The following INSR variants were observed in gnomAD, a reference collection of about 807,000 sequenced individuals.
The protein encoded by INSR is insulin receptor.
INSR carries 67 observed loss-of-function variants against 142.6 expected under a neutral mutation model. The observed-to-expected ratio is 0.47, with a 90% CI of 0.39 to 0.58. INSR has a LOEUF of 0.58. Ranked by LOEUF, INSR falls within the 20% of genes least tolerant of loss-of-function variation. INSR has a pLI of 0.00. For missense variants in INSR, 1,248 were observed against 1,833.2 expected (o/e 0.68, Z 5.83); for synonymous variants, 756 against 743.1 (o/e 1.02, Z -0.28).
chr19:7,229,607 AG>A (rs144165529), intron 2 of INSR, among the ~76,000 whole-genome samples: 2,545 of 152,248 alleles, frequency 0.017, 70 homozygotes, highest in African/African-American at 0.057. Flanking sequence ...AACCCCATAA[AG>A]GGCCTCTGGG....
chr19:7,175,833 CA>C (rs113649135), intron 3 of INSR, among the ~76,000 whole-genome samples: 262 of 141,158 alleles, frequency 1.9e-3, no homozygotes, highest in Middle Eastern at 3.5e-3. Context: ...GACTCCATCT[CA>C]AAAAAAAAAA....
chr19:7,222,907 G>A (rs1015171389), intron 2 of INSR, among the ~76,000 whole-genome samples: 4 of 152,300 alleles, frequency 2.6e-5, no homozygotes, highest in East Asian at 3.9e-4. Flanking sequence ...AACTGTCTGG[G>A]CACTGTGGCT....
chr19:7,119,352 G>A lies in INSR; in HGVS notation c.3794+97C>T, dbSNP rs987485090. 1.9e-5 allele frequency: 25 copies of A among 1,336,762 alleles called. 1 individual carries two copies. The Admixed American group carries it at 3.0e-4, about 16-fold the overall frequency. 82.8% of individuals were successfully genotyped at this position (1,336,762 alleles called of 1,614,324 possible). On this transcript the variant is annotated intron_variant, in intron 21 of 21. Coordinates refer to ENST00000302850, the MANE Select transcript of INSR (RefSeq NM_000208.4). This position sits in a 1 kb window ranked among gnomAD's most constrained non-coding sequence, Gnocchi z 5.2. ...AACATACAGCATGCAAACACGGTGA[G>A]CGTGTAGACATAGGAAAGGCAAAAC...
rs1450069176 is a variant in INSR at position 7,117,068 on chromosome 19, G to A, written c.4137C>T (p.Ser1379=). The A allele has an allele frequency of 1.2e-5, 19 of 1,612,460 alleles. No individual in the cohort carries two copies. The highest frequency in any genetic ancestry group is 1.6e-5 in the Non-Finnish European group (19 of 1,178,980). ...KNGRILTLPR[S]NPS is the part of the protein sequence containing the mutation. ...ACGGTAGGCACTGTTAGGAAGGATTGGACCGAGGCAAGGTCAGAATCCGCC... is the reference window on the plus strand; with the variant it reads ...ACGGTAGGCACTGTTAGGAAGGATTAGACCGAGGCAAGGTCAGAATCCGCC... Residue 1379 remains serine (S), a synonymous_variant, in exon 22 of 22, where the codon TCC becomes TCT. Coordinates refer to ENST00000302850, the MANE Select transcript of INSR (RefSeq NM_000208.4).
At chr19:7,160,781 T>C (rs1973727599) in intron 9 of INSR, among the ~76,000 whole-genome samples, 1 of 151,978 alleles carries the variant, frequency 6.6e-6, no homozygotes, top group African/African-American at 2.4e-5. Flanking sequence ...GTGGATCATT[T>C]GAGGTCAGGA....
intron 2 of INSR, among the ~76,000 whole-genome samples, chr19:7,184,906 C>T (rs889559523): frequency 4.6e-5 from 7 of 152,196 alleles, no homozygotes; most frequent in Non-Finnish European, 1.0e-4. Context: ...CAGGGAGGCC[C>T]AGATTTATAT....
At chr19:7,218,104 G>A (rs1234668234) in intron 2 of INSR, among the ~76,000 whole-genome samples, 1 of 152,038 alleles carries the variant, frequency 6.6e-6, no homozygotes, top group Non-Finnish European at 1.5e-5. Context: ...GGTGAGCAAA[G>A]AAATAAACAC....
At chr19:7,208,547 T>G (rs1272691868) in intron 2 of INSR, among the ~76,000 whole-genome samples, 1 of 152,066 alleles carries the variant, frequency 6.6e-6, no homozygotes, top group African/African-American at 2.4e-5. Flanking sequence ...TTGACCAGCT[T>G]AAGAGAACAA....
chr19:7,163,186 G>C lies in INSR; in HGVS notation c.1875C>G (p.Pro625=). The change falls in exon 9 of 22, where the codon CCC becomes CCG. Residue 625 remains proline (P), a synonymous_variant. Transcript: ENST00000302850. ...AGTTAGACACTGAGATTGGATCCAGGGGCACAGAGGGGTCTGTCAGGGAGA... is the reference window on the plus strand; with the variant it reads ...AGTTAGACACTGAGATTGGATCCAGCGGCACAGAGGGGTCTGTCAGGGAGA... ...VQTDATNPSV[P]LDPISVSNSS... The C allele has an allele frequency of 6.2e-7, 1 of 1,613,300 alleles. No homozygotes were observed. The highest frequency in any genetic ancestry group is 1.3e-5 in the African/African-American group (1 of 74,930).
chr19:7,249,774 C>T (rs2081882), intron 2 of INSR, among the ~76,000 whole-genome samples: 30,424 of 152,006 alleles, frequency 0.2, 3,527 homozygotes, highest in South Asian at 0.32. Flanking sequence ...GGGTGGATCA[C>T]GAGGTCAGGA....
rs752643772 is a variant in INSR, at chr19:7,166,344, C to T, written c.1671G>A (p.Thr557=). The change falls in exon 8 of 22, where the codon ACG becomes ACA. Residue 557 remains threonine, a synonymous_variant. Coordinates refer to ENST00000302850, the MANE Select transcript of INSR (RefSeq NM_000208.4). The surrounding 1 kb of genome is among the most constrained non-coding windows in gnomAD (Gnocchi z 4.1). ...TCAGGGGTGGGTCAATGTCTACCAC[C>T]GTCCAACTGTTGGAACCACACGCAT... The part of the protein sequence containing the change: ...GQDACGSNSW[T]VVDIDPPLRS... 30 of 1,614,098 alleles carry T rather than the reference C, an allele frequency of 1.9e-5. No individual in the cohort carries two copies. The East Asian group carries it at 3.3e-4, about 18-fold the overall frequency.
intron 11 of INSR, among the ~76,000 whole-genome samples, chr19:7,147,419 C>G (rs141840110): frequency 6.6e-6 from 1 of 152,120 alleles, no homozygotes; most frequent in South Asian, 2.1e-4. Flanking sequence ...AGGTGATCCG[C>G]CTGCCTGGGC....
At chr19:7,265,564 G>A (rs1279118681) in intron 2 of INSR, among the ~76,000 whole-genome samples, 1 of 151,956 alleles carries the variant, frequency 6.6e-6, no homozygotes, top group Non-Finnish European at 1.5e-5. Context: ...GTGAAATCTC[G>A]TCTCTACTAA....
intron 3 of INSR, among the ~76,000 whole-genome samples, chr19:7,181,804 CT>C (rs1568468726): frequency 6.6e-6 from 1 of 151,010 alleles, no homozygotes; most frequent in East Asian, 2.0e-4. Flanking sequence ...TGACCTTGAA[CT>C]CCTGCCCTCA....
chr19:7,281,604 C>T (rs1241262849), intron 1 of INSR, among the ~76,000 whole-genome samples: 1 of 151,976 alleles, frequency 6.6e-6, no homozygotes, highest in Non-Finnish European at 1.5e-5. Flanking sequence ...TCATTTGAGC[C>T]CAGGAGTTCA....
chr19:7,277,860 G>A (rs892760859), intron 1 of INSR, among the ~76,000 whole-genome samples: 26 of 152,120 alleles, frequency 1.7e-4, no homozygotes, highest in African/African-American at 5.8e-4. Flanking sequence ...AGGAGGCCCA[G>A]GCGGGCAGAT....
In INSR at chr19:7,282,023, C is replaced by T. The variant is rs184405010; in HGVS notation, c.100+11769G>A. Among the ~76,000 whole-genome samples, 922 of 152,218 alleles carry T rather than the reference C, an allele frequency of 6.1e-3. 7 individuals are homozygous for T. The highest frequency in any genetic ancestry group is 0.021 in the African/African-American group (862 of 41,540). On this transcript the variant is annotated intron_variant, in intron 1 of 21. Transcript: ENST00000302850. ...CTTAGAGCCAGTCTGTACGTGGCAC[C>T]GCAGGATAGCAAAGCTTGTTCTGCT... is the stretch of plus-strand genomic sequence containing the variant.
At chr19:7,120,544 C>G in intron 20 of INSR, 76 bp downstream of exon 20, 1 of 1,585,836 alleles carries the variant, frequency 6.3e-7, no homozygotes, top group South Asian at 1.1e-5. Flanking sequence ...GGCAGGCTTC[C>G]TTCCCCCGCT....
At chr19:7,222,074 CAG>C (rs1568495953) in intron 2 of INSR, among the ~76,000 whole-genome samples, 1 of 145,390 alleles carries the variant, frequency 6.9e-6, no homozygotes, top group Admixed American at 7.2e-5. Context: ...AAGGCTAAGT[CAG>C]AGTCTGGGGT....
Sources: allele counts gnomAD v4.1 joint callset (sites outside exome capture counted in the v4.1 genomes callset), GRCh38; gene constraint gnomAD v4.1.1; non-coding constraint Gnocchi (gnomAD v3.1); transcripts MANE v1.5; gene names NCBI Gene and HGNC (gene_info 2026-07-23, HGNC 2026-07-21).